Variants in GSDME observed in about 807,000 individuals in gnomAD.
GSDME encodes the protein gasdermin-E.
GSDME carries 44 observed loss-of-function variants against 47.5 expected under a neutral mutation model. The ratio of observed to expected loss-of-function variants is 0.93; its 90% CI spans 0.73 to 1.19. GSDME has a LOEUF of 1.19. Among genes scored for constraint, GSDME ranks in the 50% most tolerant of loss-of-function variants. The pLI is 0.00. For synonymous variants in GSDME, 258 were observed against 252.8 expected, an observed-to-expected ratio of 1.02 and a Z score of -0.20; for missense variants, 663 against 604.2, an observed-to-expected ratio of 1.10 and a Z score of -1.02.
upstream of GSDME, among the ~76,000 whole-genome samples, chr7:24,759,168 T>G (rs559982329): frequency 6.6e-6 from 1 of 152,314 alleles, no homozygotes; most frequent in East Asian, 1.9e-4. Context: ...TGTATGCTAT[T>G]GGTTCTCTAT....
chr7:24,717,381 G>A lies in GSDME; in HGVS notation c.577-7C>T. The A allele has an allele frequency of 1.2e-6, 2 of 1,614,126 alleles. No homozygotes were observed. The highest frequency in any genetic ancestry group is 8.5e-7 in the Non-Finnish European group (1 of 1,180,028). On this transcript the variant is annotated splice_polypyrimidine_tract_variant and splice_region_variant and intron_variant, in intron 4 of 9. Transcript: ENST00000645220. ...CATCCTCCGTCGCTGACACCTGTGG[G>A]CAAAAGCGCACACTCCCACCTGTGC...
intron 3 of GSDME, among the ~76,000 whole-genome samples, chr7:24,730,884 C>T (rs1790123355): frequency 6.6e-6 from 1 of 152,038 alleles, no homozygotes; most frequent in Admixed American, 6.6e-5. Context: ...AGACTAAAAC[C>T]ACTCCCAAGA....
chr7:24,779,356 A>C, the GSDME span, among the ~76,000 whole-genome samples: 2 of 152,184 alleles, frequency 1.3e-5, no homozygotes, highest in African/African-American at 4.8e-5. This position sits in a 1 kb window ranked among gnomAD's most constrained non-coding sequence, Gnocchi z 6.0. Flanking sequence ...AGGAAAAGTT[A>C]ATCTTATTGA....
At position 24,702,757 on chromosome 7, in the gene GSDME, T is replaced by C; in HGVS notation, c.1257+3A>G. On this transcript the variant is annotated splice_donor_region_variant and intron_variant, in intron 9 of 9. Coordinates refer to ENST00000645220, the MANE Select transcript of GSDME (RefSeq NM_001127453.2). ...CTAAGGTCCCACCTGGGAGGTTGCT[T>C]ACCAAGTGGCACAGTGTGGGAATGA... The C allele has an allele frequency of 6.2e-7, 1 of 1,612,900 alleles. No homozygotes were observed. Among genetic ancestry groups the C allele is most frequent in the East Asian group, 2.2e-5 (1 of 44,796 alleles).
chr7:24,762,380 T>G (rs2521773), upstream of GSDME, among the ~76,000 whole-genome samples: 99,552 of 152,128 alleles, frequency 0.65, 34,646 homozygotes, highest in East Asian at 0.99. Flanking sequence ...TTGTGATGAA[T>G]ACCAGTAGTC....
At chr7:24,773,437 T>A in the GSDME span, among the ~76,000 whole-genome samples, 1 of 152,268 alleles carries the variant, frequency 6.6e-6, no homozygotes, top group East Asian at 1.9e-4. This position sits in a 1 kb window ranked among gnomAD's most constrained non-coding sequence, Gnocchi z 5.4. Flanking sequence ...TTCCTTTTAG[T>A]ATGGTTTATG....
At chr7:24,741,598 T>C (rs1440799070) in intron 3 of GSDME, among the ~76,000 whole-genome samples, 1 of 152,196 alleles carries the variant, frequency 6.6e-6, no homozygotes, top group Non-Finnish European at 1.5e-5. Context: ...AATATTCTGA[T>C]TTTTGAGGCC....
chr7:24,712,601 T>G lies in GSDME; in HGVS notation c.698-2213A>C, dbSNP rs975726584. ...AACCAGGCCTTGACGATGAGTGTGGTAAGAGTGGGGACAGCGGTTGAACAG... is the reference window on the plus strand; with the variant it reads ...AACCAGGCCTTGACGATGAGTGTGGGAAGAGTGGGGACAGCGGTTGAACAG... On this transcript the variant is annotated intron_variant, in intron 5 of 9. Coordinates refer to ENST00000645220, the MANE Select transcript of GSDME (RefSeq NM_001127453.2). The surrounding 1 kb of genome is among the most constrained non-coding windows in gnomAD (Gnocchi z 4.4). Among the ~76,000 whole-genome samples the G allele has an allele frequency of 6.6e-6, 1 of 152,040 alleles. No individual in the cohort carries two copies. The highest frequency in any genetic ancestry group is 1.5e-5 in the Non-Finnish European group (1 of 67,994).
rs1292341645 is a variant in GSDME, at chr7:24,742,688, G to A, written c.404+1874C>T. Among the ~76,000 whole-genome samples, 4 of 152,166 alleles carry A rather than the reference G, an allele frequency of 2.6e-5. No homozygotes were observed. In the South Asian group the frequency reaches 6.2e-4, roughly 24 times the overall value. ...AATAGAAATAACGAGACTGCAAAGC[G>A]CATCTAAGCTAGAGAGGGTTGGGTG... On this transcript the variant is annotated intron_variant, in intron 3 of 9. Coordinates refer to ENST00000645220, the MANE Select transcript of GSDME (RefSeq NM_001127453.2). The surrounding 1 kb of genome is among the most constrained non-coding windows in gnomAD (Gnocchi z 4.4).
At chr7:24,755,789 A>G (rs1399136403) in intron 1 of GSDME, among the ~76,000 whole-genome samples, 2 of 152,224 alleles carry the variant, frequency 1.3e-5, no homozygotes, top group African/African-American at 4.8e-5. Flanking sequence ...GTAACATAAG[A>G]AAGTGCCCTT....
chr7:24,766,034 A>G, the GSDME span, among the ~76,000 whole-genome samples: 1 of 152,176 alleles, frequency 6.6e-6, no homozygotes, highest in Non-Finnish European at 1.5e-5. This position sits in a 1 kb window ranked among gnomAD's most constrained non-coding sequence, Gnocchi z 4.2. Context: ...CTCAAAGTCC[A>G]TATTTTTACC....
At chr7:24,786,626 T>TTGG in the GSDME span, among the ~76,000 whole-genome samples, 1 of 152,204 alleles carries the variant, frequency 6.6e-6, no homozygotes, top group Non-Finnish European at 1.5e-5. The surrounding 1 kb of genome is among the most constrained non-coding windows in gnomAD (Gnocchi z 5.5). Context: ...CCTTCACATA[T>TTGG]TGGTGAGCAA....
intron 5 of GSDME, among the ~76,000 whole-genome samples, chr7:24,713,054 C>T (rs1043184187): frequency 1.3e-4 from 19 of 150,912 alleles, no homozygotes; most frequent in African/African-American, 2.9e-4. Flanking sequence ...GCAACTTTAC[C>T]GAATAGCAGT....
At position 24,756,160 on chromosome 7, in the gene GSDME, C is replaced by A. The variant is rs552472261; in HGVS notation, c.-20+1236G>T. 1.3e-5 allele frequency among the ~76,000 whole-genome samples: 2 copies of A among 152,218 alleles called. No individual in the cohort carries two copies. Among genetic ancestry groups the A allele is most frequent in the South Asian group, 2.1e-4 (1 of 4,812 alleles). ...GCTCGAAAGGAGAAGGAGAGTGAGG[C>A]GCCAAAGGCTTTGGGGAAGTGGAGT... On this transcript the variant is annotated intron_variant, in intron 1 of 9. Transcript: ENST00000645220. The surrounding 1 kb of genome is among the most constrained non-coding windows in gnomAD (Gnocchi z 4.2).
At chr7:24,779,904 G>A in the GSDME span, among the ~76,000 whole-genome samples, 4 of 152,298 alleles carry the variant, frequency 2.6e-5, no homozygotes, top group East Asian at 1.9e-4. This position sits in a 1 kb window ranked among gnomAD's most constrained non-coding sequence, Gnocchi z 6.0. Context: ...AGCACATTTC[G>A]CCCTCATCTC....
In GSDME at chr7:24,698,799, C is replaced by G. The variant is rs1788739159; in HGVS notation, c.*227G>C. ...CTCCCAGCTCTTTACATGCTGGAACCTAACTCAGATGCTGGGTCACCAGCA... is the reference window on the plus strand; with the variant it reads ...CTCCCAGCTCTTTACATGCTGGAACGTAACTCAGATGCTGGGTCACCAGCA... On this transcript the variant is annotated 3_prime_UTR_variant, in exon 10 of 10. Coordinates refer to ENST00000645220, the MANE Select transcript of GSDME (RefSeq NM_001127453.2). The G allele has an allele frequency of 3.5e-6, 2 of 568,306 alleles. No individual in the cohort carries two copies. Among genetic ancestry groups the G allele is most frequent in the East Asian group, 3.0e-5 (1 of 32,824 alleles). 35.2% of individuals were successfully genotyped at this position (568,306 alleles called of 1,614,324 possible). A position where few individuals can be genotyped will look rare whatever the true frequency, so the allele number is the denominator to read the frequency against.
chr7:24,702,809 A>G lies in GSDME; in HGVS notation c.1208T>C (p.Leu403Pro), dbSNP rs199971778. The change falls in exon 9 of 10, where the codon CTG becomes CCG. Residue 403 changes from leucine to proline, a missense_variant. Leu to Pro is a moderately conservative substitution (Grantham distance 98). Coordinates refer to ENST00000645220, the MANE Select transcript of GSDME (RefSeq NM_001127453.2). ...LAEMPDSAAA[L>P]LGTCCKLQII... Reference sequence around the variant, plus strand: ...CTGGAGTTTGCAGCAAGTGCCCAGCAGAGCTGCTGCGCTATCTGGCATTTC... The same window carrying G: ...CTGGAGTTTGCAGCAAGTGCCCAGCGGAGCTGCTGCGCTATCTGGCATTTC... 4.4e-4 allele frequency: 718 copies of G among 1,613,652 alleles called. 11 individuals carry two copies. In the Middle Eastern group the frequency reaches 0.011, roughly 26 times the overall value.
intron 9 of GSDME, 99 bp downstream of exon 9, chr7:24,702,661 G>C: frequency 1.1e-6 from 1 of 927,180 alleles, no homozygotes; most frequent in Admixed American, 1.7e-5. Flanking sequence ...GAGCTGTTGT[G>C]GTAAGTCCTA....
rs1790318276 is a variant in GSDME at position 24,736,730 on chromosome 7, G to A, written c.404+7832C>T. On this transcript the variant is annotated intron_variant, in intron 3 of 9. Transcript: ENST00000645220. The surrounding 1 kb of genome is among the most constrained non-coding windows in gnomAD (Gnocchi z 4.6). ...ATACACATTCTTTTCCTCAGCACAT[G>A]GATCATTCGCAAGGATAGACCATAT... Among the ~76,000 whole-genome samples the A allele has an allele frequency of 6.6e-6, 1 of 151,978 alleles. No individual in the cohort carries two copies. Among genetic ancestry groups the A allele is most frequent in the South Asian group, 2.1e-4 (1 of 4,812 alleles).
Sources: gnomAD v4.1 joint callset for allele counts (sites outside exome capture counted in the v4.1 genomes callset) on GRCh38, gnomAD v4.1.1 for gene constraint, Gnocchi (gnomAD v3.1) non-coding constraint, MANE v1.5 for transcripts, NCBI Gene and HGNC (gene_info 2026-07-23, HGNC 2026-07-21) for gene names.